The following GPR143 variants were observed in gnomAD, a reference collection of about 807,000 sequenced individuals.
The protein encoded by GPR143 is G protein-coupled receptor 143, also known as G-protein coupled receptor 143.
A neutral mutation model predicts 27.6 loss-of-function variants in GPR143; 8 were observed. The ratio of observed to expected loss-of-function variants is 0.29; its 90% CI spans 0.17 to 0.52. The LOEUF is 0.52. Ranked by LOEUF, GPR143 falls within the 20% of genes least tolerant of loss-of-function variation. The probability of loss-of-function intolerance (pLI) is 0.96; values close to 1 mark genes in which losing one functional copy is unlikely to be tolerated. For synonymous variants in GPR143, 156 were observed against 153.2 expected, an observed-to-expected ratio of 1.02 and a Z score of -0.13; for missense variants, 303 against 343.1, an observed-to-expected ratio of 0.88 and a Z score of 0.92.
At chrX:9,763,118 G>T (rs2083510860) in intron 1 of GPR143, among the ~76,000 whole-genome samples, 1 of 108,245 alleles carries the variant, frequency 9.2e-6, no homozygotes, top group African/African-American at 3.4e-5. Context: ...TTTTTCTTGG[G>T]GGTAGAGCCT....
Sources: gnomAD v4.1 joint callset for allele counts (sites outside exome capture counted in the v4.1 genomes callset) on GRCh38, gnomAD v4.1.1 for gene constraint, MANE v1.5 for transcripts, NCBI Gene and HGNC (gene_info 2026-07-23, HGNC 2026-07-21) for gene names.